Variants in PELP1 observed in about 807,000 individuals in gnomAD.
PELP1 encodes the protein proline, glutamate and leucine rich protein 1.
A neutral mutation model predicts 95.5 loss-of-function variants in PELP1; 32 were observed. The observed-to-expected ratio is 0.34, with a 90% CI of 0.25 to 0.45. PELP1 has a LOEUF of 0.45. Among genes scored for constraint, PELP1 ranks in the 20% least tolerant of loss-of-function variants. The probability of loss-of-function intolerance (pLI) is 1.00; values close to 1 mark genes in which losing one functional copy is unlikely to be tolerated. For missense variants in PELP1, 1,358 were observed against 1,444.8 expected, an observed-to-expected ratio of 0.94 and a Z score of 0.97; for synonymous variants, 668 against 600.1, an observed-to-expected ratio of 1.11 and a Z score of -1.65.
chr17:4,694,425 G>A (rs777218910), intron 1 of PELP1, among the ~76,000 whole-genome samples: 2 of 148,854 alleles, frequency 1.3e-5, no homozygotes, highest in Non-Finnish European at 3.0e-5. Flanking sequence ...GCCAAGGTGG[G>A]CAGACCACCT....
In PELP1 at chr17:4,675,157, C is replaced by A. The variant is rs770740105; in HGVS notation, c.1196G>T (p.Gly399Val). 1.9e-6 allele frequency: 3 copies of A among 1,613,874 alleles called. No individual in the cohort carries two copies. Among genetic ancestry groups the A allele is most frequent in the Non-Finnish European group, 2.5e-6 (3 of 1,179,846 alleles). The change falls in exon 11 of 17, where the codon GGC becomes GTC. Residue 399 changes from glycine (G) to valine (V), a missense_variant. Transcript: ENST00000572293. The surrounding 1 kb of genome is among the most constrained non-coding windows in gnomAD (Gnocchi z 4.3). ...ATTGAGGACCTGGGGAAGCAGGCGG[C>A]CGATCAGGATCCCAAAGCGCAAGAG... ...SRLLRFGILI[G>V]RLLPQVLNSW...
rs1327920868 is a variant in PELP1, at chr17:4,671,043, T to G, written c.*396A>C. On this transcript the variant is annotated 3_prime_UTR_variant, in exon 17 of 17. Transcript: ENST00000572293. ...GGCTGAGCACGCATGCGTGTGGGCA[T>G]GTGGGTGTTGACACAGGTCCACTCA... The G allele has an allele frequency of 4.4e-6, 1 of 229,038 alleles. No individual in the cohort carries two copies. Among genetic ancestry groups the G allele is most frequent in the Non-Finnish European group, 8.5e-6 (1 of 117,806 alleles). The allele number at this position is 229,038 out of a possible 1,614,324, so 14.2% of individuals were successfully genotyped here.
chr17:4,684,378 G>A (rs998154738), intron 3 of PELP1, among the ~76,000 whole-genome samples: 3 of 152,088 alleles, frequency 2.0e-5, no homozygotes, highest in African/African-American at 7.2e-5. Flanking sequence ...AGAAAAAACT[G>A]AAGCCCAGAG....
At chr17:4,684,471 G>A (rs926570871) in intron 3 of PELP1, among the ~76,000 whole-genome samples, 10 of 152,058 alleles carry the variant, frequency 6.6e-5, no homozygotes, top group African/African-American at 1.7e-4. Context: ...CCCAAACTTC[G>A]AAATTTCATC....
intron 1 of PELP1, 145 bp from the exon 2 acceptor site, chr17:4,691,587 C>G (rs768625340): frequency 9.2e-6 from 6 of 654,292 alleles, no homozygotes; most frequent in Non-Finnish European, 1.6e-5. Context: ...CCACTAGAAG[C>G]CTTGAGCTTT....
Position 4,670,551 on chromosome 17 carries a change from C to G in PELP1, c.*888G>C, listed in dbSNP as rs145842529. On this transcript the variant is annotated 3_prime_UTR_variant, in exon 17 of 17. Transcript: ENST00000572293. ...CAGCCTGGCCAACATGGTGAAACCC[C>G]ACCTCTACTAAAAATACAAAAATTA... 23,883 of 152,200 alleles carry G rather than the reference C, an allele frequency of 0.16. 2,465 individuals are homozygous for G. The highest frequency in any genetic ancestry group is 0.24 in the Non-Finnish European group (16,298 of 68,030). The allele number at this position is 152,200 out of a possible 1,614,324, so 9.4% of individuals were successfully genotyped here.
At chr17:4,687,368 C>A (rs983486312) in intron 3 of PELP1, among the ~76,000 whole-genome samples, 1 of 152,058 alleles carries the variant, frequency 6.6e-6, no homozygotes, top group Admixed American at 6.6e-5. Context: ...CATGGTGAAA[C>A]CCCATCTCTA....
intron 12 of PELP1, 61 bp from the exon 13 acceptor site, chr17:4,674,730 GCAGA>G (rs1280135097): frequency 1.1e-5 from 18 of 1,587,494 alleles, no homozygotes; most frequent in Non-Finnish European, 1.5e-5. Flanking sequence ...GACAGCCACA[GCAGA>G]CAGTGTTTCC....
chr17:4,673,526 G>A lies in PELP1; in HGVS notation c.1639-70C>T, dbSNP rs1421913819. The A allele has an allele frequency of 2.6e-6, 4 of 1,565,888 alleles. No individual in the cohort carries two copies. In the Admixed American group the frequency reaches 5.1e-5, roughly 20 times the overall value. The stretch of plus-strand genomic sequence containing the variant: ...AACCCTTCTCCAGAGCCTACTCCCA[G>A]GTCGGAATGGACCCACCTCTGGGCC... On this transcript the variant is annotated intron_variant, in intron 14 of 16. Transcript: ENST00000572293. The surrounding 1 kb of genome is among the most constrained non-coding windows in gnomAD (Gnocchi z 5.7).
chr17:4,673,593 C>T lies in PELP1; in HGVS notation c.1638+26G>A. Reference sequence around the variant, plus strand: ...ACAGAGCAGGGGCCCCTTCCCCTATCTCCACGGAGACGAGGCTCCACTAAC... The same window carrying T: ...ACAGAGCAGGGGCCCCTTCCCCTATTTCCACGGAGACGAGGCTCCACTAAC... On this transcript the variant is annotated intron_variant, in intron 14 of 16. Coordinates refer to ENST00000572293, the MANE Select transcript of PELP1 (RefSeq NM_014389.3). The surrounding 1 kb of genome is among the most constrained non-coding windows in gnomAD (Gnocchi z 5.7). The T allele has an allele frequency of 6.2e-7, 1 of 1,611,292 alleles. No homozygotes were observed.
At chr17:4,683,394 G>C (rs1228399454) in intron 3 of PELP1, among the ~76,000 whole-genome samples, 1 of 151,710 alleles carries the variant, frequency 6.6e-6, no homozygotes, top group African/African-American at 2.4e-5. Flanking sequence ...CTAATTTTTT[G>C]TATTTTTAGT....
chr17:4,699,286 A>G lies in PELP1; in HGVS notation c.249+4577T>C, dbSNP rs184407404. On this transcript the variant is annotated intron_variant, in intron 1 of 16. Transcript: ENST00000572293. ...CCCAGCTACTTTGGGAGGCTGAGAC[A>G]GGAGAATGACGTGAACCCGGGAGGC... Among the ~76,000 whole-genome samples the G allele has an allele frequency of 5.4e-4, 82 of 152,210 alleles. 1 individual carries two copies. In the East Asian group the frequency reaches 0.013, roughly 24 times the overall value.
intron 1 of PELP1, among the ~76,000 whole-genome samples, chr17:4,701,399 C>T (rs955156948): frequency 2.0e-5 from 3 of 152,084 alleles, no homozygotes; most frequent in African/African-American, 7.2e-5. Flanking sequence ...AAAGAACACC[C>T]AGAGGCTGAA....
Position 4,671,942 on chromosome 17 carries a change from C to T in PELP1, c.3049G>A (p.Glu1017Lys). The T allele has an allele frequency of 6.6e-7, 1 of 1,526,082 alleles. No individual in the cohort carries two copies. Among genetic ancestry groups the T allele is most frequent in the Non-Finnish European group, 8.8e-7 (1 of 1,142,042 alleles). The allele number at this position is 1,526,082 out of a possible 1,614,324, so 94.5% of individuals were successfully genotyped here. Reference protein sequence around the residue: ...LEVEEPGTEEERGADTAPTLA... With the variant: ...LEVEEPGTEEKRGADTAPTLA... ...GTGGGAGCTGTGTCAGCCCCACGCTCCTCCTCCGTCCCTGGCTCCTCCACT... is the reference window on the plus strand; with the variant it reads ...GTGGGAGCTGTGTCAGCCCCACGCTTCTCCTCCGTCCCTGGCTCCTCCACT... The change falls in exon 16 of 17, where the codon GAG becomes AAG. Residue 1017 changes from glutamate to lysine, a missense_variant. Glu to Lys is a moderately conservative substitution (Grantham distance 56). Coordinates refer to ENST00000572293, the MANE Select transcript of PELP1 (RefSeq NM_014389.3).
chr17:4,672,418 G>C lies in PELP1; in HGVS notation c.2573C>G (p.Pro858Arg). Residue 858 changes from proline to arginine, a missense_variant, in exon 16 of 17, where the codon CCC becomes CGC. Coordinates refer to ENST00000572293, the MANE Select transcript of PELP1 (RefSeq NM_014389.3). ...PVPGPVTLPP[P>R]QLVPEGTPGG... ...AGGAGTCCCTTCAGGGACCAACTGGGGTGGAGGGAGCGTCACAGGACCAGG... is the reference window on the plus strand; with the variant it reads ...AGGAGTCCCTTCAGGGACCAACTGGCGTGGAGGGAGCGTCACAGGACCAGG... The C allele has an allele frequency of 6.4e-7, 1 of 1,568,482 alleles. No individual in the cohort carries two copies. The highest frequency in any genetic ancestry group is 8.6e-7 in the Non-Finnish European group (1 of 1,156,580).
chr17:4,696,766 A>G (rs1198597785), intron 1 of PELP1: 1 of 152,200 alleles, frequency 6.6e-6, no homozygotes, highest in East Asian at 1.9e-4. Flanking sequence ...AGTACTGTGA[A>G]GGTAGAGCCA....
Position 4,673,114 on chromosome 17 carries a change from G to A in PELP1, c.1877C>T (p.Thr626Ile). 1.3e-6 allele frequency: 2 copies of A among 1,523,290 alleles called. No homozygotes were observed. The highest frequency in any genetic ancestry group is 1.8e-6 in the Non-Finnish European group (2 of 1,137,174). The allele number at this position is 1,523,290 out of a possible 1,614,324, so 94.4% of individuals were successfully genotyped here. ...CCGGGGGTGGGTCAGAGCAGCACAG[G>A]TCACCAGTGCTTCTGAGCAGAAAGA... Reference protein sequence around the residue: ...VSSFCSEALVTCAALTHPRVP... With the variant: ...VSSFCSEALVICAALTHPRVP... Residue 626 changes from threonine to isoleucine, a missense_variant, in exon 16 of 17, where the codon ACC (threonine) becomes ATC (isoleucine). Physicochemically the swap from Thr to Ile is moderately conservative, Grantham distance 89 (BLOSUM62 -1). This residue lies in a region of PELP1 where 18 missense variants were observed against 39.0 expected (regional missense o/e 0.46). Transcript: ENST00000572293. This position sits in a 1 kb window ranked among gnomAD's most constrained non-coding sequence, Gnocchi z 5.7.
intron 1 of PELP1, among the ~76,000 whole-genome samples, chr17:4,697,656 G>A (rs540861392): frequency 1.3e-5 from 2 of 152,234 alleles, no homozygotes; most frequent in South Asian, 4.2e-4. Context: ...ATTGACCTTT[G>A]AACTTAATGT....
chr17:4,694,090 C>T (rs1048744051), intron 1 of PELP1, among the ~76,000 whole-genome samples: 23 of 152,112 alleles, frequency 1.5e-4, no homozygotes, highest in Admixed American at 1.3e-3. Context: ...AAACTGACTG[C>T]TAAGTGAAAG....
Sources: gnomAD v4.1 joint callset for allele counts (sites outside exome capture counted in the v4.1 genomes callset) on GRCh38, gnomAD v4.1.1 for gene constraint, gnomAD v4.1.1 regional missense constraint, Gnocchi (gnomAD v3.1) non-coding constraint, MANE v1.5 for transcripts, NCBI Gene and HGNC (gene_info 2026-07-23, HGNC 2026-07-21) for gene names.